MGST1: variants seen among roughly 807,000 people sequenced by gnomAD.
MGST1 encodes the protein glutathione S-transferase 12.
In MGST1, 5 loss-of-function variants were observed where a neutral mutation model predicts 8.9. The ratio of observed to expected loss-of-function variants is 0.56; its 90% CI spans 0.29 to 1.19. The LOEUF (loss-of-function observed/expected upper bound fraction) is 1.19. Among genes scored for constraint, MGST1 ranks in the 50% most tolerant of loss-of-function variants. MGST1 has a pLI of 0.08. For synonymous variants in MGST1, 54 were observed against 67.8 expected (o/e 0.80, Z 1.00); for missense variants, 182 against 187.4 (o/e 0.97, Z 0.17).
chr12:16,572,972 AATGCTTG>A (rs1942865825), intron 4 of MGST1, among the ~76,000 whole-genome samples: 1 of 151,828 alleles, frequency 6.6e-6, no homozygotes, highest in South Asian at 2.1e-4. Context: ...TGAAATCCAC[AATGCTTG>A]AAAGTAGAGA....
chr12:16,526,371 C>CA (rs1941687025), intron 4 of MGST1, among the ~76,000 whole-genome samples: 1 of 151,930 alleles, frequency 6.6e-6, no homozygotes, highest in Non-Finnish European at 1.5e-5. Context: ...CTCCTGACCC[C>CA]ATTGGAATGT....
At chr12:16,468,989 C>T (rs1941273500) in intron 4 of MGST1, among the ~76,000 whole-genome samples, 1 of 152,102 alleles carries the variant, frequency 6.6e-6, no homozygotes, top group Non-Finnish European at 1.5e-5. Context: ...GGATGGTAGA[C>T]AGACAAGGTA....
At chr12:16,394,241 A>C (rs1396608269) in intron 1 of MGST1, among the ~76,000 whole-genome samples, 4 of 152,090 alleles carry the variant, frequency 2.6e-5, no homozygotes, top group Non-Finnish European at 5.9e-5. Context: ...TGTAGTTTTA[A>C]TTAATTTATT....
chr12:16,535,152 C>T (rs1197633324), intron 4 of MGST1, among the ~76,000 whole-genome samples: 2 of 152,284 alleles, frequency 1.3e-5, no homozygotes, highest in Middle Eastern at 3.4e-3. Flanking sequence ...CTCCCAAATG[C>T]CTTAATTAAC....
intron 1 of MGST1, among the ~76,000 whole-genome samples, chr12:16,349,446 C>G (rs546258248): frequency 6.6e-6 from 1 of 152,138 alleles, no homozygotes; most frequent in African/African-American, 2.4e-5. Flanking sequence ...GTTGAGAATT[C>G]TTAGCCTTGA....
At chr12:16,383,864 A>G (rs554632179) in intron 1 of MGST1, among the ~76,000 whole-genome samples, 22 of 152,370 alleles carry the variant, frequency 1.4e-4, no homozygotes, top group African/African-American at 4.3e-4. Context: ...TAATACAGAT[A>G]TTATTTTAAA....
intron 4 of MGST1, among the ~76,000 whole-genome samples, chr12:16,474,642 T>C (rs1280053103): frequency 6.6e-6 from 1 of 152,156 alleles, no homozygotes; most frequent in Non-Finnish European, 1.5e-5. Flanking sequence ...ATCCCCTTTC[T>C]CCCTCTGTCC....
intron 1 of MGST1, among the ~76,000 whole-genome samples, chr12:16,392,746 A>G (rs1940563570): frequency 6.6e-6 from 1 of 152,196 alleles, no homozygotes; most frequent in Admixed American, 6.5e-5. Flanking sequence ...CTCTATATCT[A>G]TCTAGATATA....
chr12:16,350,057 C>T (rs1348110674), intron 1 of MGST1, among the ~76,000 whole-genome samples: 3 of 152,074 alleles, frequency 2.0e-5, no homozygotes, highest in African/African-American at 7.2e-5. Context: ...GCTTTTCTAA[C>T]TTTATTCAGC....
downstream of MGST1, among the ~76,000 whole-genome samples, chr12:16,378,112 T>C (rs1355291912): frequency 2.0e-5 from 3 of 152,156 alleles, no homozygotes; most frequent in African/African-American, 4.8e-5. Context: ...TTCACTCTGA[T>C]GGTATTTTCT....
intron 4 of MGST1, among the ~76,000 whole-genome samples, chr12:16,568,380 G>A (rs1473280141): frequency 6.6e-6 from 1 of 152,138 alleles, no homozygotes; most frequent in East Asian, 1.9e-4. Flanking sequence ...TACTCTGGAT[G>A]TGGATCTTTC....
At chr12:16,486,262 T>A (rs946439728) in intron 4 of MGST1, among the ~76,000 whole-genome samples, 2 of 152,202 alleles carry the variant, frequency 1.3e-5, no homozygotes, top group Non-Finnish European at 2.9e-5. Context: ...CTCTTTACAT[T>A]AGAATGTAAG....
At chr12:16,386,214 G>T (rs1440164484) in intron 1 of MGST1, among the ~76,000 whole-genome samples, 2 of 152,166 alleles carry the variant, frequency 1.3e-5, no homozygotes, top group African/African-American at 4.8e-5. Flanking sequence ...GAAGATCGGT[G>T]ATTTCCCATT....
chr12:16,425,792 T>C (rs1940880226), intron 1 of MGST1, among the ~76,000 whole-genome samples: 1 of 152,178 alleles, frequency 6.6e-6, no homozygotes, highest in African/African-American at 2.4e-5. Context: ...ATTCAAAGAG[T>C]CAAAGTCCTT....
At chr12:16,568,642 T>C (rs1942701301) in intron 4 of MGST1, among the ~76,000 whole-genome samples, 1 of 152,228 alleles carries the variant, frequency 6.6e-6, no homozygotes, top group African/African-American at 2.4e-5. Flanking sequence ...TGATTACACA[T>C]TGAGATGGTA....
chr12:16,400,050 C>T, intron 1 of MGST1: 1 of 1,577,896 alleles, frequency 6.3e-7, no homozygotes. Context: ...ATTCCAGTTC[C>T]TCCTTAGTTA....
At chr12:16,545,941 T>C (rs1439484844) in intron 4 of MGST1, among the ~76,000 whole-genome samples, 2 of 152,058 alleles carry the variant, frequency 1.3e-5, no homozygotes, top group African/African-American at 4.8e-5. Context: ...AAAGATGATA[T>C]GGTAGAGTGA....
chr12:16,479,235 C>CTTTTTTTTTTTT (rs542448251), intron 4 of MGST1, among the ~76,000 whole-genome samples: 2 of 112,064 alleles, frequency 1.8e-5, no homozygotes, highest in East Asian at 2.6e-4. Flanking sequence ...TAGACTGTAT[C>CTTTTTTTTTTTT]TTTTTTTTTT....
At position 16,493,208 on chromosome 12, in the gene MGST1, C is replaced by A. The variant is rs564891111; in HGVS notation, n.483-96320C>A. On this transcript the variant is annotated intron_variant and non_coding_transcript_variant, in intron 4 of 4. Coordinates refer to the MGST1 transcript ENST00000538857. ...CACTGGGAAGACAGAGTCCTCATTA[C>A]AGTACTGAAGCTTCTACTTTTATGC... 3.1e-4 allele frequency among the ~76,000 whole-genome samples: 47 copies of A among 152,306 alleles called. No individual in the cohort carries two copies. In the South Asian group the frequency reaches 3.9e-3, roughly 13 times the overall value.
Sources: gnomAD v4.1 joint callset for allele counts (sites outside exome capture counted in the v4.1 genomes callset) on GRCh38, gnomAD v4.1.1 for gene constraint, MANE v1.5 for transcripts, NCBI Gene and HGNC (gene_info 2026-07-23, HGNC 2026-07-21) for gene names.